Variants in SLCO1C1 observed in about 807,000 individuals in gnomAD.
The protein encoded by SLCO1C1 is OAT-RP-5.
SLCO1C1 carries 70 observed loss-of-function variants against 76.4 expected under a neutral mutation model. The observed-to-expected ratio is 0.92, with a 90% CI of 0.76 to 1.12. The LOEUF (loss-of-function observed/expected upper bound fraction) is 1.12, where lower values mean the gene tolerates loss of function less well. Among genes scored for constraint, SLCO1C1 ranks in the 50% most tolerant of loss-of-function variants. The probability of loss-of-function intolerance (pLI) is 0.00; values close to 1 mark genes in which losing one functional copy is unlikely to be tolerated. For missense variants in SLCO1C1, 912 were observed against 823.8 expected (o/e 1.11, Z -1.31); for synonymous variants, 306 against 286.1 (o/e 1.07, Z -0.70).
Position 20,721,976 on chromosome 12 carries a change from G to C in SLCO1C1, c.948G>C (p.Lys316Asn). The part of the protein sequence containing the change: ...EDSNSSSEKS[K>N]FIIDDHTDYQ... ...CTAATTCTTCCTCTGAGAAATCCAAGTTTATTATAGATGATCACACAGACT... is the reference window on the plus strand; with the variant it reads ...CTAATTCTTCCTCTGAGAAATCCAACTTTATTATAGATGATCACACAGACT... The change falls in exon 8 of 15, where the codon AAG (lysine) becomes AAC (asparagine). Residue 316 changes from lysine (K) to asparagine (N), a missense_variant. By Grantham distance (94) the Lys-to-Asn change is moderately conservative (BLOSUM62 0). Transcript: ENST00000266509. 1.2e-6 allele frequency: 2 copies of C among 1,614,094 alleles called. No individual in the cohort carries two copies. Among genetic ancestry groups the C allele is most frequent in the Non-Finnish European group, 1.7e-6 (2 of 1,180,004 alleles).
Position 20,746,040 on chromosome 12 carries a change from T to C in SLCO1C1, c.1798+2671T>C, listed in dbSNP as rs77178208. On this transcript the variant is annotated intron_variant, in intron 13 of 14. Coordinates refer to ENST00000266509, the MANE Select transcript of SLCO1C1 (RefSeq NM_017435.5). Reference sequence around the variant, plus strand: ...CTCGCAGTAAAAGCATATGGCACCTTGGAGAAATGACTGATTCAAGGCCTA... The same window carrying C: ...CTCGCAGTAAAAGCATATGGCACCTCGGAGAAATGACTGATTCAAGGCCTA... Among the ~76,000 whole-genome samples, 851 of 152,168 alleles carry C rather than the reference T, an allele frequency of 5.6e-3. 2 individuals carry two copies. The highest frequency in any genetic ancestry group is 9.6e-3 in the Non-Finnish European group (656 of 68,004).
chr12:20,744,958 T>G (rs1948974411), intron 13 of SLCO1C1, among the ~76,000 whole-genome samples: 1 of 152,172 alleles, frequency 6.6e-6, no homozygotes, highest in African/African-American at 2.4e-5. Context: ...AAAATCTATC[T>G]AATGTTACCG....
At chr12:20,714,248 G>A (rs898652289) in intron 5 of SLCO1C1, among the ~76,000 whole-genome samples, 1 of 152,318 alleles carries the variant, frequency 6.6e-6, no homozygotes, top group East Asian at 1.9e-4. Context: ...TCATAGGATT[G>A]TTAGGAAGAT....
At chr12:20,734,076 A>G (rs961871413) in intron 10 of SLCO1C1, among the ~76,000 whole-genome samples, 1 of 152,098 alleles carries the variant, frequency 6.6e-6, no homozygotes, top group Non-Finnish European at 1.5e-5. Context: ...TCCTGACACT[A>G]TATTCTGTTT....
chr12:20,745,660 A>G (rs1949011900), intron 13 of SLCO1C1, among the ~76,000 whole-genome samples: 1 of 151,960 alleles, frequency 6.6e-6, no homozygotes. Flanking sequence ...CCCCATCTCT[A>G]CTAAAAACAC....
rs760464133 is a variant in SLCO1C1, at chr12:20,733,104, G to T, written c.1382G>T (p.Gly461Val). ...GCAGGACTAACTGTCTCCTACCAAG[G>T]GTATGTTCCCTCATTAAATAGTTTG... Reference protein sequence around the residue: ...DVAGLTVSYQGTKPVSYHERA... With the variant: ...DVAGLTVSYQVTKPVSYHERA... Residue 461 changes from glycine to valine, a missense_variant and splice_region_variant, in exon 10 of 15, where the codon GGA (glycine) becomes GTA (valine). Transcript: ENST00000266509. 6.4e-7 allele frequency: 1 copy of T among 1,557,204 alleles called. No individual in the cohort carries two copies. The highest frequency in any genetic ancestry group is 8.6e-7 in the Non-Finnish European group (1 of 1,156,898).
chr12:20,729,555 T>G (rs1948175989), intron 9 of SLCO1C1, among the ~76,000 whole-genome samples: 1 of 151,852 alleles, frequency 6.6e-6, no homozygotes, highest in Admixed American at 6.6e-5. Context: ...GAACTCCTGA[T>G]GAGCAAGAAA....
Position 20,752,476 on chromosome 12 carries a change from G to A in SLCO1C1, c.2087G>A (p.Ser696Asn), listed in dbSNP as rs1227396373. 1.9e-6 allele frequency: 3 copies of A among 1,611,788 alleles called. No homozygotes were observed. The highest frequency in any genetic ancestry group is 2.7e-5 in the African/African-American group (2 of 74,874). ...TRFQKENYTT[S>N]DHLLQPNYWP... ...TTCCAAAAGGAAAATTACACTACAA[G>A]TGATCATCTGCTACAACCCAACTAC... The change falls in exon 15 of 15, where the codon AGT (serine) becomes AAT (asparagine). Residue 696 changes from serine (S) to asparagine (N), a missense_variant. Transcript: ENST00000266509.
intron 4 of SLCO1C1, among the ~76,000 whole-genome samples, chr12:20,706,439 G>A (rs1052432730): frequency 6.6e-6 from 1 of 152,040 alleles, no homozygotes; most frequent in African/African-American, 2.4e-5. Context: ...AATAAATTCT[G>A]GATTATGGAA....
At chr12:20,721,014 A>T (rs1000723578) in intron 7 of SLCO1C1, among the ~76,000 whole-genome samples, 1 of 151,882 alleles carries the variant, frequency 6.6e-6, no homozygotes, top group African/African-American at 2.4e-5. Flanking sequence ...AAAAAAAAAA[A>T]AAAAAGCTTA....
chr12:20,723,325 T>C lies in SLCO1C1; in HGVS notation c.1186+71T>C, dbSNP rs1592273687. On this transcript the variant is annotated intron_variant, in intron 9 of 14. Coordinates refer to ENST00000266509, the MANE Select transcript of SLCO1C1 (RefSeq NM_017435.5). ...AGGTACCTGATTAACTCGGGAATCT[T>C]CGAGAAGATTCTTCCAAGATTTAGG... is the stretch of plus-strand genomic sequence containing the variant. 21 of 1,531,134 alleles carry C rather than the reference T, an allele frequency of 1.4e-5. No individual in the cohort carries two copies. In the East Asian group the frequency reaches 4.9e-4, roughly 35 times the overall value. The allele number at this position is 1,531,134 out of a possible 1,614,324, so 94.8% of individuals were successfully genotyped here.
At chr12:20,711,332 T>C in intron 4 of SLCO1C1, 54 bp from the exon 5 acceptor site, 2 of 1,568,476 alleles carry the variant, frequency 1.3e-6, no homozygotes, top group African/African-American at 2.7e-5. Context: ...ACACATAATA[T>C]TCTTAGTATG....
At position 20,717,238 on chromosome 12, in the gene SLCO1C1, AG is replaced by A; in HGVS notation, c.775+9del. The A allele has an allele frequency of 6.3e-7, 1 of 1,575,750 alleles. No homozygotes were observed. The highest frequency in any genetic ancestry group is 8.6e-7 in the Non-Finnish European group (1 of 1,166,550). On this transcript the variant is annotated intron_variant, in intron 7 of 14. Transcript: ENST00000266509. ...TTGGCTTTGTAAACCTAGGTAAGGAAGTTTATTTTTTATTTATTCATGTATT... is the reference window on the plus strand; with the variant it reads ...TTGGCTTTGTAAACCTAGGTAAGGAATTTATTTTTTATTTATTCATGTATT...
At position 20,752,360 on chromosome 12, in the gene SLCO1C1, C is replaced by T; in HGVS notation, c.1971C>T (p.Ser657=). 6.2e-7 allele frequency: 1 copy of T among 1,612,846 alleles called. No homozygotes were observed. Among genetic ancestry groups the T allele is most frequent in the South Asian group, 1.1e-5 (1 of 90,940 alleles). Residue 657 remains serine, a synonymous_variant, in exon 15 of 15, where the codon AGC becomes AGT. Coordinates refer to ENST00000266509, the MANE Select transcript of SLCO1C1 (RefSeq NM_017435.5). ...VILGTVSILL[S]IAVLFILKKN... ...TGGGCACAGTGTCAATTCTCCTAAG[C>T]ATTGCAGTACTTTTCATTTTAAAGA...
At chr12:20,725,838 C>T (rs983172921) in intron 9 of SLCO1C1, among the ~76,000 whole-genome samples, 48 of 151,922 alleles carry the variant, frequency 3.2e-4, no homozygotes, top group Non-Finnish European at 6.6e-4. Flanking sequence ...TGTAACCATT[C>T]TTATGCGGTA....
At chr12:20,729,499 T>C (rs1948173017) in intron 9 of SLCO1C1, among the ~76,000 whole-genome samples, 1 of 151,804 alleles carries the variant, frequency 6.6e-6, no homozygotes, top group African/African-American at 2.4e-5. Flanking sequence ...AGCTAGCAGG[T>C]AACTGTTAAA....
At chr12:20,738,603 T>G (rs1027932649) in intron 11 of SLCO1C1, among the ~76,000 whole-genome samples, 61 of 152,324 alleles carry the variant, frequency 4.0e-4, no homozygotes, top group African/African-American at 1.4e-3. Flanking sequence ...TTTTCATGCT[T>G]CTCTTTTTTT....
At chr12:20,742,723 G>A (rs1948878557) in intron 12 of SLCO1C1, among the ~76,000 whole-genome samples, 1 of 133,944 alleles carries the variant, frequency 7.5e-6, no homozygotes, top group Non-Finnish European at 1.6e-5. Context: ...TTTTTTTTTA[G>A]TAGAGACGGG....
chr12:20,717,900 A>T (rs573405974), intron 7 of SLCO1C1, among the ~76,000 whole-genome samples: 1 of 151,858 alleles, frequency 6.6e-6, no homozygotes, highest in Non-Finnish European at 1.5e-5. Flanking sequence ...ATTCCAAGAG[A>T]TCCGTTATAA....
Sources: gnomAD v4.1 joint callset for allele counts (sites outside exome capture counted in the v4.1 genomes callset) on GRCh38, gnomAD v4.1.1 for gene constraint, MANE v1.5 for transcripts, NCBI Gene and HGNC (gene_info 2026-07-23, HGNC 2026-07-21) for gene names.